CDK12: variants seen among roughly 807,000 people sequenced by gnomAD.
CDK12 encodes cyclin-dependent kinase 12.
Under a neutral mutation model 133.8 loss-of-function variants are expected in CDK12, and 17 were observed. The observed-to-expected ratio is 0.13, with a 90% CI of 0.09 to 0.19. The LOEUF is 0.19. Ranked by LOEUF, CDK12 falls within the 10% of genes least tolerant of loss-of-function variation. CDK12 has a pLI of 1.00. For missense variants in CDK12, 1,508 were observed against 1,818.7 expected (o/e 0.83, Z 3.11); for synonymous variants, 694 against 683.6 (o/e 1.02, Z -0.24).
rs150224634 is a variant in CDK12 at position 39,470,887 on chromosome 17, C to T, written c.1055C>T (p.Ser352Phe). ...LSRSPLPSRK[S>F]MKSRSRSPAY... is the part of the protein sequence containing the mutation. Reference sequence around the variant, plus strand: ...GCTTTTTATTTTTCCAGTAGGAAATCCATGAAGTCCAGAAGTAGAAGTCCT... The same window carrying T: ...GCTTTTTATTTTTCCAGTAGGAAATTCATGAAGTCCAGAAGTAGAAGTCCT... Residue 352 changes from serine (S) to phenylalanine (F), a missense_variant, in exon 2 of 14, where the codon TCC becomes TTC. Ser to Phe is a radical substitution (Grantham distance 155). This residue lies in a region of CDK12 where 460 missense variants were observed against 490.8 expected (regional missense o/e 0.94). Transcript: ENST00000447079. 6.3e-7 allele frequency: 1 copy of T among 1,596,866 alleles called. No homozygotes were observed. Among genetic ancestry groups the T allele is most frequent in the Non-Finnish European group, 8.5e-7 (1 of 1,174,576 alleles).
downstream of CDK12, among the ~76,000 whole-genome samples, chr17:39,538,181 C>T (rs573170865): frequency 6.6e-6 from 1 of 152,206 alleles, no homozygotes; most frequent in African/African-American, 2.4e-5. Flanking sequence ...GAGAGTAATT[C>T]AAGAATAAGG....
At chr17:39,487,235 A>T (rs2051206184) in intron 2 of CDK12, among the ~76,000 whole-genome samples, 1 of 152,196 alleles carries the variant, frequency 6.6e-6, no homozygotes, top group African/African-American at 2.4e-5. Context: ...CTGATTTACA[A>T]GGGATTAAAA....
At chr17:39,548,203 C>A (rs994384829), upstream of CDK12, among the ~76,000 whole-genome samples, 1 of 152,022 alleles carries the variant, frequency 6.6e-6, no homozygotes, top group African/African-American at 2.4e-5. Flanking sequence ...GCTCTCTGGG[C>A]CCCAGAGAGC....
rs370654863 is a variant in CDK12, at chr17:39,524,742, T to G, written c.3164T>G (p.Val1055Gly). 6.2e-6 allele frequency: 10 copies of G among 1,614,056 alleles called. No homozygotes were observed. The highest frequency in any genetic ancestry group is 3.3e-5 in the Admixed American group (2 of 59,998). The part of the protein sequence containing the change: ...KKRRRQRQSG[V>G]VVEEPPPSKT... ...CGGCGACGTCAGCGACAAAGTGGTG[T>G]TGTAGTCGAAGAGCCACCTCCATCC... Residue 1055 changes from valine to glycine, a missense_variant, in exon 12 of 14, where the codon GTT (valine) becomes GGT (glycine). Val to Gly is a moderately radical substitution (Grantham distance 109). Transcript: ENST00000447079.
intron 2 of CDK12, among the ~76,000 whole-genome samples, chr17:39,487,857 C>T (rs997408650): frequency 2.0e-5 from 3 of 152,018 alleles, no homozygotes; most frequent in Admixed American, 6.6e-5. Context: ...TCAACTGATC[C>T]GCCTGCCTTG....
chr17:39,567,123 C>T (rs1163781035), downstream of CDK12: 2 of 152,192 alleles, frequency 1.3e-5, no homozygotes, highest in Non-Finnish European at 2.9e-5. Context: ...CTTTCCATAC[C>T]TGTACTCACA....
At position 39,462,330 on chromosome 17, in the gene CDK12, A is replaced by G. The variant is rs780882570; in HGVS notation, c.259A>G (p.Met87Val). 20 of 1,614,098 alleles carry G rather than the reference A, an allele frequency of 1.2e-5. No homozygotes were observed. The highest frequency in any genetic ancestry group is 4.0e-5 in the African/African-American group (3 of 74,936). ...TGATTCCGACACCTTCTCCGATGAC[A>G]TGGCCTTCAAACTAGACCGAAGGGA... The part of the protein sequence containing the change: ...SSDSDTFSDD[M>V]AFKLDRREND... The change falls in exon 1 of 14, where the codon ATG (methionine) becomes GTG (valine). Residue 87 changes from methionine (M) to valine (V), a missense_variant. By Grantham distance (21) the Met-to-Val change is conservative. Coordinates refer to ENST00000447079, the MANE Select transcript of CDK12 (RefSeq NM_016507.4).
At chr17:39,487,081 A>G (rs1282176260) in intron 2 of CDK12, among the ~76,000 whole-genome samples, 1 of 152,166 alleles carries the variant, frequency 6.6e-6, no homozygotes, top group Non-Finnish European at 1.5e-5. Context: ...AGGATGGAAA[A>G]ATCTGAGTGC....
At chr17:39,510,727 C>T (rs890766808) in intron 7 of CDK12, among the ~76,000 whole-genome samples, 3 of 151,540 alleles carry the variant, frequency 2.0e-5, no homozygotes, top group Non-Finnish European at 4.4e-5. Flanking sequence ...GATTCCCCTG[C>T]CTCAGCCTCC....
chr17:39,540,325 C>T (rs1426236355), intron 1 of CDK12, among the ~76,000 whole-genome samples: 1 of 152,150 alleles, frequency 6.6e-6, no homozygotes, highest in African/African-American at 2.4e-5. Context: ...GTCTTATTAA[C>T]CAATTGATAG....
intron 2 of CDK12, among the ~76,000 whole-genome samples, chr17:39,478,801 G>C (rs917345006): frequency 6.6e-6 from 1 of 152,110 alleles, no homozygotes; most frequent in East Asian, 1.9e-4. Context: ...CTCTAGCCTG[G>C]ATAACAGTGA....
intron 5 of CDK12, among the ~76,000 whole-genome samples, chr17:39,495,790 G>A (rs1303875054): frequency 9.1e-5 from 12 of 131,778 alleles, no homozygotes; most frequent in Admixed American, 2.4e-4. Flanking sequence ...GCGAGACTCC[G>A]CCTCAAAAAA....
At chr17:39,486,851 A>G (rs553022148) in intron 2 of CDK12, among the ~76,000 whole-genome samples, 1 of 152,168 alleles carries the variant, frequency 6.6e-6, no homozygotes, top group Non-Finnish European at 1.5e-5. Flanking sequence ...TACTAAAAAT[A>G]CAAAAAACTA....
chr17:39,483,679 A>G (rs1597994173), intron 2 of CDK12, among the ~76,000 whole-genome samples: 2 of 150,734 alleles, frequency 1.3e-5, no homozygotes, highest in South Asian at 4.2e-4. Context: ...AGTGTTTTTT[A>G]AACAGTTACA....
chr17:39,518,257 G>A (rs1285791740), intron 10 of CDK12, among the ~76,000 whole-genome samples: 2 of 151,896 alleles, frequency 1.3e-5, no homozygotes, highest in Non-Finnish European at 2.9e-5. Flanking sequence ...GATTATAGGC[G>A]TGAGCCTCTG....
chr17:39,557,524 C>T (rs537942240), intron 3 of CDK12, among the ~76,000 whole-genome samples: 2 of 152,258 alleles, frequency 1.3e-5, no homozygotes, highest in South Asian at 4.1e-4. Flanking sequence ...GTGTGTTCTA[C>T]TCACCATCCT....
intron 1 of CDK12, among the ~76,000 whole-genome samples, chr17:39,468,473 TTTTA>T (rs2049520421): frequency 6.6e-6 from 1 of 152,076 alleles, no homozygotes; most frequent in Non-Finnish European, 1.5e-5. Flanking sequence ...AATATTTTTA[TTTTA>T]TTTATTTATT....
chr17:39,537,960 C>T (rs968398393), downstream of CDK12, among the ~76,000 whole-genome samples: 2 of 152,078 alleles, frequency 1.3e-5, no homozygotes, highest in African/African-American at 4.8e-5. Flanking sequence ...TAGAGATTCA[C>T]AGTTCATTTC....
chr17:39,482,525 G>T (rs1161886284), intron 2 of CDK12, among the ~76,000 whole-genome samples: 2 of 149,960 alleles, frequency 1.3e-5, no homozygotes, highest in Non-Finnish European at 3.0e-5. Flanking sequence ...TCATCTTTGT[G>T]CAGGGGCCAT....
Sources: gnomAD v4.1 joint callset for allele counts (sites outside exome capture counted in the v4.1 genomes callset) on GRCh38, gnomAD v4.1.1 for gene constraint, gnomAD v4.1.1 regional missense constraint, MANE v1.5 for transcripts, NCBI Gene and HGNC (gene_info 2026-07-23, HGNC 2026-07-21) for gene names.